The following TG variants were observed in gnomAD, a reference collection of about 807,000 sequenced individuals.
TG encodes the protein thyroid hormones.
Under a neutral mutation model 324.7 loss-of-function variants are expected in TG, and 270 were observed. That is an observed-to-expected ratio of 0.83 (90% CI 0.75 to 0.92). TG has a LOEUF of 0.92. TG is among the 40% of genes least tolerant of loss of function. TG has a pLI of 0.00. For missense variants in TG, 3,591 were observed against 3,456.4 expected (o/e 1.04, Z -0.98); for synonymous variants, 1,401 against 1,327.0 (o/e 1.06, Z -1.21).
chr8:132,940,327 A>G (rs373841308), intron 25 of TG, among the ~76,000 whole-genome samples: 42 of 152,216 alleles, frequency 2.8e-4, no homozygotes, highest in Non-Finnish European at 5.3e-4. Context: ...GAAAATGGGC[A>G]TAAGAATGGG....
At chr8:133,044,680 G>T (rs1265300883) in intron 41 of TG, among the ~76,000 whole-genome samples, 1 of 152,176 alleles carries the variant, frequency 6.6e-6, no homozygotes, top group African/African-American at 2.4e-5. Context: ...GCTTGAATAT[G>T]TATGGCCCAC....
At chr8:132,977,820 C>T (rs1830361352) in intron 34 of TG, among the ~76,000 whole-genome samples, 1 of 152,140 alleles carries the variant, frequency 6.6e-6, no homozygotes, top group Admixed American at 6.5e-5. Flanking sequence ...AGAGCCAAAC[C>T]ATATCACACT....
At chr8:133,108,761 C>A (rs1850036513) in intron 43 of TG, among the ~76,000 whole-genome samples, 1 of 152,182 alleles carries the variant, frequency 6.6e-6, no homozygotes, top group African/African-American at 2.4e-5. Context: ...ATGCCTGTCA[C>A]CATACTGAGC....
chr8:133,092,996 A>G (rs1201638083), intron 41 of TG, among the ~76,000 whole-genome samples: 1 of 152,106 alleles, frequency 6.6e-6, no homozygotes, highest in Non-Finnish European at 1.5e-5. Flanking sequence ...AAATATTGAA[A>G]CCGTCAGTGG....
At chr8:132,905,526 A>C (rs1818549142) in intron 16 of TG, among the ~76,000 whole-genome samples, 1 of 152,196 alleles carries the variant, frequency 6.6e-6, no homozygotes, top group Admixed American at 6.5e-5. Context: ...ACTGTGCCTG[A>C]GTCTGATAAT....
At chr8:132,965,323 T>C (rs1828390263) in intron 29 of TG, among the ~76,000 whole-genome samples, 1 of 152,176 alleles carries the variant, frequency 6.6e-6, no homozygotes, top group Non-Finnish European at 1.5e-5. Context: ...CAAGTACTCA[T>C]AAAGCCTTTA....
intron 43 of TG, among the ~76,000 whole-genome samples, chr8:133,101,753 T>C (rs959157551): frequency 3.9e-5 from 6 of 152,220 alleles, no homozygotes; most frequent in African/African-American, 9.6e-5. Context: ...TGAAACACCA[T>C]TGATACATAC....
At chr8:133,107,318 C>T (rs1350326256) in intron 43 of TG, among the ~76,000 whole-genome samples, 7 of 152,192 alleles carry the variant, frequency 4.6e-5, no homozygotes, top group Admixed American at 3.3e-4. Context: ...CTCAGTCCCT[C>T]GGTGTTTCCA....
intron 8 of TG, chr8:132,883,262 G>T: frequency 2.0e-6 from 1 of 491,614 alleles, no homozygotes. Context: ...AGAGAATTGA[G>T]TTCCCATGTG....
rs185010044 is a variant in TG, at chr8:133,055,218, C to A, written c.7239+25195C>A. On this transcript the variant is annotated intron_variant, in intron 41 of 47. Transcript: ENST00000220616. ...CAGGGTTAGCATAAGCAGCTCAGGG[C>A]AACTGGTGGGTAGGGAGCTGTACAG... Among the ~76,000 whole-genome samples, 288 of 152,202 alleles carry A rather than the reference C, an allele frequency of 1.9e-3. 1 individual carries two copies. The highest frequency in any genetic ancestry group is 6.7e-3 in the African/African-American group (280 of 41,512).
At position 132,887,023 on chromosome 8, in the gene TG, A is replaced by G. The variant is rs749795370; in HGVS notation, c.1651A>G (p.Ser551Gly). 6.2e-7 allele frequency: 1 copy of G among 1,614,252 alleles called. No individual in the cohort carries two copies. Among genetic ancestry groups the G allele is most frequent in the Admixed American group, 1.7e-5 (1 of 60,030 alleles). ...DGTMNKPTVGSFGFEINLQEN... is the reference protein window; with the variant it reads ...DGTMNKPTVGGFGFEINLQEN... The stretch of plus-strand genomic sequence containing the variant: ...TACTATGAATAAGCCAACTGTGGGC[A>G]GCTTTGGCTTTGAAATTAACCTACA... Residue 551 changes from serine to glycine, a missense_variant, in exon 9 of 48, where the codon AGC becomes GGC. Coordinates refer to ENST00000220616, the MANE Select transcript of TG (RefSeq NM_003235.5).
At chr8:132,911,925 C>T (rs745846285) in intron 19 of TG, among the ~76,000 whole-genome samples, 2 of 152,138 alleles carry the variant, frequency 1.3e-5, no homozygotes, top group Non-Finnish European at 2.9e-5. Flanking sequence ...ACAGGGCAGT[C>T]ACGATATGGA....
intron 41 of TG, among the ~76,000 whole-genome samples, chr8:133,077,683 G>T (rs1425043967): frequency 1.3e-5 from 2 of 152,092 alleles, no homozygotes; most frequent in Non-Finnish European, 2.9e-5. Flanking sequence ...CCCAAGCGGG[G>T]TCTCAGCCTC....
intron 16 of TG, among the ~76,000 whole-genome samples, chr8:132,904,773 A>G (rs751964778): frequency 6.6e-6 from 1 of 152,190 alleles, no homozygotes; most frequent in African/African-American, 2.4e-5. Flanking sequence ...CAGAAAAACC[A>G]CAGGTGCAGA....
chr8:132,892,431 T>G (rs970007011), intron 10 of TG, among the ~76,000 whole-genome samples: 1 of 152,240 alleles, frequency 6.6e-6, no homozygotes, highest in African/African-American at 2.4e-5. Flanking sequence ...AATATTTTAT[T>G]GGGCTGTTGC....
chr8:133,073,615 T>G (rs185376067), intron 41 of TG, among the ~76,000 whole-genome samples: 248 of 152,290 alleles, frequency 1.6e-3, no homozygotes, highest in Non-Finnish European at 2.8e-3. Flanking sequence ...ACCTCTCCAC[T>G]TTTCGAAGGA....
chr8:133,134,806 G>T lies in TG; in HGVS notation c.*12G>T. 1 of 1,611,630 alleles carries T rather than the reference G, an allele frequency of 6.2e-7. No individual in the cohort carries two copies. The highest frequency in any genetic ancestry group is 1.3e-5 in the African/African-American group (1 of 74,974). ...CCTACAGCAAGTGACCAGCCCTTGA[G>T]CTCCCCAAAAACCTCACCCGAGGCT... On this transcript the variant is annotated 3_prime_UTR_variant, in exon 48 of 48. Transcript: ENST00000220616.
At chr8:133,060,482 AAGC>A in intron 41 of TG, 1 of 916,080 alleles carries the variant, frequency 1.1e-6, no homozygotes. Context: ...TGAGGATGGT[AAGC>A]AGCCACAGCA....
intron 11 of TG, among the ~76,000 whole-genome samples, chr8:132,894,642 G>A (rs929687351): frequency 9.9e-5 from 15 of 152,242 alleles, no homozygotes; most frequent in African/African-American, 3.4e-4. Flanking sequence ...CACATTTTTA[G>A]TAGAAACAGG....
Sources: gnomAD v4.1 joint callset for allele counts (sites outside exome capture counted in the v4.1 genomes callset) on GRCh38, gnomAD v4.1.1 for gene constraint, MANE v1.5 for transcripts, NCBI Gene and HGNC (gene_info 2026-07-23, HGNC 2026-07-21) for gene names.